The following NOL4 variants were observed in gnomAD, a reference collection of about 807,000 sequenced individuals.
The protein encoded by NOL4 is cancer/testis antigen 125.
A neutral mutation model predicts 75.9 loss-of-function variants in NOL4; 17 were observed. The observed-to-expected ratio is 0.22, with a 90% CI of 0.15 to 0.34. The LOEUF is 0.34. Ranked by LOEUF, NOL4 falls within the 10% of genes least tolerant of loss-of-function variation. The pLI is 1.00. For missense variants in NOL4, 614 were observed against 793.5 expected (o/e 0.77, Z 2.72); for synonymous variants, 292 against 289.9 (o/e 1.01, Z -0.07).
intron 1 of NOL4, among the ~76,000 whole-genome samples, chr18:34,198,774 G>A (rs1487175050): frequency 1.3e-5 from 2 of 151,752 alleles, no homozygotes. Flanking sequence ...TATGTGACAA[G>A]CTTTCCACTA....
chr18:34,020,061 G>A (rs1329987674), intron 5 of NOL4, among the ~76,000 whole-genome samples: 1 of 151,946 alleles, frequency 6.6e-6, no homozygotes, highest in Non-Finnish European at 1.5e-5. Flanking sequence ...TAAGCTTCCA[G>A]AAGCCCTCAC....
chr18:34,000,960 A>G (rs1177722679), intron 6 of NOL4, among the ~76,000 whole-genome samples: 5 of 152,300 alleles, frequency 3.3e-5, no homozygotes, highest in African/African-American at 1.2e-4. Flanking sequence ...AATTATAAAC[A>G]TGAATATAGA....
intron 1 of NOL4, among the ~76,000 whole-genome samples, chr18:34,218,991 AAC>A (rs985523048): frequency 1.4e-4 from 21 of 152,288 alleles, no homozygotes; most frequent in Admixed American, 1.0e-3. Context: ...AAATAACAAA[AAC>A]AGTTACTGTT....
At chr18:34,080,544 G>A (rs1224425874) in intron 5 of NOL4, among the ~76,000 whole-genome samples, 2 of 152,212 alleles carry the variant, frequency 1.3e-5, no homozygotes, top group Admixed American at 6.5e-5. Flanking sequence ...ATGCACCAGG[G>A]CACACAGGTT....
intron 9 of NOL4, among the ~76,000 whole-genome samples, chr18:33,891,991 A>C (rs559631089): frequency 6.6e-6 from 1 of 152,286 alleles, no homozygotes; most frequent in Non-Finnish European, 1.5e-5. Context: ...GTCCATAGTG[A>C]CTTTTGGGCA....
chr18:34,026,789 G>A lies in NOL4; in HGVS notation c.773-7188C>T, dbSNP rs540711126. 4.5e-4 allele frequency among the ~76,000 whole-genome samples: 69 copies of A among 152,042 alleles called. 1 individual carries two copies. Among genetic ancestry groups the A allele is most frequent in the Non-Finnish European group, 2.6e-4 (18 of 67,976 alleles). Reference sequence around the variant, plus strand: ...CTCTCTTGCATTGAAATTAATTACCGTCAGTAACAGTGGTATTAAGGGAGT... The same window carrying A: ...CTCTCTTGCATTGAAATTAATTACCATCAGTAACAGTGGTATTAAGGGAGT... On this transcript the variant is annotated intron_variant, in intron 5 of 10. Coordinates refer to ENST00000261592, the MANE Select transcript of NOL4 (RefSeq NM_003787.5).
At chr18:33,894,864 T>C (rs771776854) in intron 9 of NOL4, among the ~76,000 whole-genome samples, 77 of 152,014 alleles carry the variant, frequency 5.1e-4, no homozygotes, top group Admixed American at 1.9e-3. Flanking sequence ...GATCAAAGGG[T>C]GCAAAGTTTC....
At chr18:34,093,741 T>A in intron 4 of NOL4, 144 bp from the exon 5 acceptor site, 3 of 624,012 alleles carry the variant, frequency 4.8e-6, no homozygotes, top group African/African-American at 1.9e-5. Flanking sequence ...AATAGATGTT[T>A]AAAATAGCAA....
chr18:34,194,926 G>A (rs1295851750), intron 1 of NOL4, among the ~76,000 whole-genome samples: 1 of 151,718 alleles, frequency 6.6e-6, no homozygotes, highest in Non-Finnish European at 1.5e-5. Context: ...CGTGAGGCTA[G>A]GGCAGGAGAA....
At chr18:33,904,913 T>C (rs2065947032) in intron 9 of NOL4, among the ~76,000 whole-genome samples, 5 of 152,128 alleles carry the variant, frequency 3.3e-5, no homozygotes, top group African/African-American at 4.8e-5. Context: ...CTGAAACCTT[T>C]GAATTGTCAG....
rs935571623 is a variant in NOL4, at chr18:33,950,895, G to A, written c.1428+6431C>T. On this transcript the variant is annotated intron_variant, in intron 8 of 10. Transcript: ENST00000261592. Reference sequence around the variant, plus strand: ...TTATCACATTTCTCACACACACCAGGTACCATACTAGGTGTACCAGGTACT... The same window carrying A: ...TTATCACATTTCTCACACACACCAGATACCATACTAGGTGTACCAGGTACT... Among the ~76,000 whole-genome samples, 6 of 152,186 alleles carry A rather than the reference G, an allele frequency of 3.9e-5. No homozygotes were observed. In the East Asian group the frequency reaches 1.2e-3, roughly 29 times the overall value.
At chr18:33,977,294 T>A (rs2071568524) in intron 6 of NOL4, among the ~76,000 whole-genome samples, 1 of 152,168 alleles carries the variant, frequency 6.6e-6, no homozygotes, top group African/African-American at 2.4e-5. Context: ...AATCTCATCT[T>A]GAATTGTAGC....
chr18:34,017,142 C>T (rs2074742482), intron 6 of NOL4, among the ~76,000 whole-genome samples: 1 of 152,156 alleles, frequency 6.6e-6, no homozygotes, highest in Non-Finnish European at 1.5e-5. Context: ...CTCTAGGAAA[C>T]CTATTTTGAC....
At chr18:33,942,033 T>C (rs999091800) in intron 9 of NOL4, among the ~76,000 whole-genome samples, 1 of 151,992 alleles carries the variant, frequency 6.6e-6, no homozygotes, top group Non-Finnish European at 1.5e-5. Flanking sequence ...GCATTTAGAA[T>C]TATTAGCACA....
intron 1 of NOL4, among the ~76,000 whole-genome samples, chr18:34,202,931 T>C (rs996021387): frequency 6.6e-6 from 1 of 152,012 alleles, no homozygotes; most frequent in Non-Finnish European, 1.5e-5. Context: ...ATTGCACTCT[T>C]GGGCATTTAA....
intron 9 of NOL4, among the ~76,000 whole-genome samples, chr18:33,886,843 C>A (rs1441842866): frequency 7.3e-6 from 1 of 136,072 alleles, no homozygotes; most frequent in African/African-American, 2.9e-5. Context: ...ATCTATATAT[C>A]TAGATATATC....
rs575231170 is a variant in NOL4 at position 34,188,042 on chromosome 18, C to T, written c.264+34948G>A. ...AGGTAGGTAGTGGAATCTCACTGTG[C>T]TTTAATTTGCATGCAATGTCCTAAT... is the stretch of plus-strand genomic sequence containing the variant. On this transcript the variant is annotated intron_variant, in intron 1 of 10. Transcript: ENST00000261592. Among the ~76,000 whole-genome samples the T allele has an allele frequency of 1.8e-3, 280 of 152,258 alleles. 2 individuals are homozygous for T. Among genetic ancestry groups the T allele is most frequent in the African/African-American group, 6.4e-3 (268 of 41,554 alleles).
chr18:34,056,711 T>C (rs770069225), intron 5 of NOL4, among the ~76,000 whole-genome samples: 7 of 152,156 alleles, frequency 4.6e-5, no homozygotes, highest in African/African-American at 1.4e-4. Flanking sequence ...GAAAAGGACA[T>C]GGGCATGCAA....
At chr18:34,113,262 G>A (rs1433055564) in intron 2 of NOL4, among the ~76,000 whole-genome samples, 3 of 152,092 alleles carry the variant, frequency 2.0e-5, no homozygotes, top group African/African-American at 7.2e-5. Flanking sequence ...TTACAGGCAT[G>A]AGCAACTGCA....
Sources: allele counts gnomAD v4.1 joint callset (sites outside exome capture counted in the v4.1 genomes callset), GRCh38; gene constraint gnomAD v4.1.1; transcripts MANE v1.5; gene names NCBI Gene and HGNC (gene_info 2026-07-23, HGNC 2026-07-21).